Variants in SHOC1 observed in about 807,000 individuals in gnomAD.
The protein encoded by SHOC1 is protein shortage in chiasmata 1 ortholog.
SHOC1 carries 136 observed loss-of-function variants against 179.2 expected under a neutral mutation model. That is an observed-to-expected ratio of 0.76 (90% confidence interval 0.66 to 0.87). The LOEUF (loss-of-function observed/expected upper bound fraction) is 0.87. Ranked by LOEUF, SHOC1 falls within the 40% of genes least tolerant of loss-of-function variation. The pLI, the probability that SHOC1 is intolerant of heterozygous loss-of-function variation, is 0.00. For missense variants in SHOC1, 1,538 were observed against 1,700.8 expected, an observed-to-expected ratio of 0.90 and a Z score of 1.68; for synonymous variants, 489 against 586.6, an observed-to-expected ratio of 0.83 and a Z score of 2.41.
At chr9:111,751,591 A>C (rs1391515389) in intron 8 of SHOC1, among the ~76,000 whole-genome samples, 1 of 152,140 alleles carries the variant, frequency 6.6e-6, no homozygotes, top group Non-Finnish European at 1.5e-5. Flanking sequence ...ATATTTTTTC[A>C]CCAAAACTTT....
chr9:111,707,309 T>C (rs538749874), intron 19 of SHOC1, among the ~76,000 whole-genome samples: 2 of 152,182 alleles, frequency 1.3e-5, no homozygotes, highest in African/African-American at 4.8e-5. Flanking sequence ...TCTAGAGCAA[T>C]CTAGAAGTTA....
At position 111,727,950 on chromosome 9, in the gene SHOC1, G is replaced by T. The variant is rs915494557; in HGVS notation, c.1517C>A (p.Ala506Glu). 2 of 1,613,010 alleles carry T rather than the reference G, an allele frequency of 1.2e-6. No homozygotes were observed. The highest frequency in any genetic ancestry group is 2.7e-5 in the African/African-American group (2 of 74,846). Residue 506 changes from alanine (A) to glutamate (E), a missense_variant, in exon 13 of 28, where the codon GCA becomes GAA. Coordinates refer to ENST00000682961, the MANE Select transcript of SHOC1 (RefSeq NM_001378211.1). ...AAAACATAGATCTGGTACTTCTTTTGCCAGAGATGGACTCTTTTGTGGAAG... is the reference window on the plus strand; with the variant it reads ...AAAACATAGATCTGGTACTTCTTTTTCCAGAGATGGACTCTTTTGTGGAAG... ...LSLPQKSPSLAKEVPDLCFSD... is the reference protein window; with the variant it reads ...LSLPQKSPSLEKEVPDLCFSD...
intron 18 of SHOC1, among the ~76,000 whole-genome samples, chr9:111,708,289 G>A (rs141679176): frequency 0.011 from 1,679 of 151,698 alleles, 29 homozygotes; most frequent in African/African-American, 0.038. Flanking sequence ...TGCAACTTCC[G>A]CCTCCTGGGT....
chr9:111,694,415 A>G, intron 24 of SHOC1, 53 bp from the exon 25 acceptor site: 11 of 1,329,976 alleles, frequency 8.3e-6, no homozygotes, highest in Non-Finnish European at 1.2e-5. Context: ...AGCAAAATAT[A>G]ATATTTTTTA....
chr9:111,756,303 A>T, intron 8 of SHOC1, 22 bp downstream of exon 8: 2 of 1,558,650 alleles, frequency 1.3e-6, no homozygotes, highest in Non-Finnish European at 1.7e-6. Flanking sequence ...TACAAGTAAT[A>T]CATTTTACAA....
chr9:111,771,569 C>T (rs1168105578), intron 5 of SHOC1, among the ~76,000 whole-genome samples: 2 of 152,082 alleles, frequency 1.3e-5, no homozygotes, highest in African/African-American at 2.4e-5. Flanking sequence ...GATTGAAGAA[C>T]CCCCTTTACC....
chr9:111,706,571 C>A lies in SHOC1; in HGVS notation c.2734G>T (p.Glu912Ter). ...FKVILPDTVL[E>*]RSTLLDRFGG... is the part of the protein sequence containing the mutation. ...GGATTTTGGCTTATATTCTTACTTT[C>A]TAAAACTGTGTCTGGAAGAATCACT... Residue 912 changes from glutamate to a stop codon, truncating the protein, a stop_gained, in exon 20 of 28, where the codon GAA (glutamate) becomes TAA (stop). Transcript: ENST00000682961. LOFTEE classifies it high-confidence loss of function. 1 of 1,521,252 alleles carries A rather than the reference C, an allele frequency of 6.6e-7. No individual in the cohort carries two copies. Among genetic ancestry groups the A allele is most frequent in the Non-Finnish European group, 8.8e-7 (1 of 1,136,890 alleles). 94.2% of individuals were successfully genotyped at this position (1,521,252 alleles called of 1,614,324 possible).
At chr9:111,734,624 C>T (rs1373481564) in intron 12 of SHOC1, among the ~76,000 whole-genome samples, 11 of 151,908 alleles carry the variant, frequency 7.2e-5, no homozygotes, top group Non-Finnish European at 1.3e-4. Flanking sequence ...CTTAGGTTAC[C>T]GTTGAACCTG....
In SHOC1 at chr9:111,691,714, T is replaced by A. The variant is rs775768182; in HGVS notation, c.4263A>T (p.Glu1421Asp). 6.2e-7 allele frequency: 1 copy of A among 1,613,992 alleles called. No homozygotes were observed. Among genetic ancestry groups the A allele is most frequent in the South Asian group, 1.1e-5 (1 of 91,072 alleles). Residue 1421 changes from glutamate to aspartate, a missense_variant, in exon 27 of 28, where the codon GAA becomes GAT. Coordinates refer to ENST00000682961, the MANE Select transcript of SHOC1 (RefSeq NM_001378211.1). Reference protein sequence around the residue: ...ESSKDETFWRELPSVPSLDLF... With the variant: ...ESSKDETFWRDLPSVPSLDLF... ...AATCCAAACTGGGGACAGATGGTAA[T>A]TCTCTCCAGAAAGTCTCATCTTTTG...
At chr9:111,740,245 A>G (rs1032405274) in intron 11 of SHOC1, among the ~76,000 whole-genome samples, 2 of 152,126 alleles carry the variant, frequency 1.3e-5, no homozygotes, top group Non-Finnish European at 2.9e-5. Flanking sequence ...CCCTCCACGT[A>G]GGATATTTCT....
chr9:111,775,274 C>T (rs1835786511), intron 5 of SHOC1, among the ~76,000 whole-genome samples: 1 of 152,042 alleles, frequency 6.6e-6, no homozygotes, highest in East Asian at 1.9e-4. Context: ...GGATTACAGG[C>T]ATAGTAAGCC....
At chr9:111,778,770 CAAA>C (rs11295075) in intron 4 of SHOC1, among the ~76,000 whole-genome samples, 8 of 73,988 alleles carry the variant, frequency 1.1e-4, no homozygotes, top group East Asian at 3.9e-4. Flanking sequence ...GACTCTGTCT[CAAA>C]AAAAAAAAAA....
At chr9:111,780,045 T>A (rs1396652077) in intron 4 of SHOC1, among the ~76,000 whole-genome samples, 1 of 152,242 alleles carries the variant, frequency 6.6e-6, no homozygotes, top group African/African-American at 2.4e-5. Context: ...TGCCTTGTAA[T>A]AGACTTTATG....
At chr9:111,759,498 T>C in intron 5 of SHOC1, 1 of 1,226,354 alleles carries the variant, frequency 8.2e-7, no homozygotes, top group South Asian at 3.8e-5. Context: ...CCACCCTGCC[T>C]TGTCTGGGTT....
chr9:111,764,984 T>C (rs1227865038), intron 5 of SHOC1, among the ~76,000 whole-genome samples: 1 of 151,762 alleles, frequency 6.6e-6, no homozygotes, highest in Non-Finnish European at 1.5e-5. Flanking sequence ...CTACTAAAAA[T>C]ATAAAAATTA....
At chr9:111,790,074 T>TAAC (rs1397831418) in intron 2 of SHOC1, among the ~76,000 whole-genome samples, 1 of 152,226 alleles carries the variant, frequency 6.6e-6, no homozygotes, top group Non-Finnish European at 1.5e-5. Flanking sequence ...GTTAGTTTCC[T>TAAC]AACAACGTGT....
chr9:111,760,927 GA>G (rs1835107639), intron 5 of SHOC1, among the ~76,000 whole-genome samples: 2 of 151,228 alleles, frequency 1.3e-5, no homozygotes, highest in African/African-American at 2.4e-5. Context: ...TATGAGAGTA[GA>G]AAAAAGTAAT....
intron 5 of SHOC1, among the ~76,000 whole-genome samples, chr9:111,775,209 G>T (rs905905087): frequency 6.8e-4 from 103 of 151,948 alleles, no homozygotes; most frequent in Admixed American, 6.5e-3. Flanking sequence ...TGGCCAAGCT[G>T]GTCTCAAACT....
At chr9:111,747,592 G>GT (rs1834350157) in intron 9 of SHOC1, among the ~76,000 whole-genome samples, 1 of 151,592 alleles carries the variant, frequency 6.6e-6, no homozygotes, top group African/African-American at 2.4e-5. Flanking sequence ...GGGTTTTTTT[G>GT]TTTGTTTTGA....
Sources: gnomAD v4.1 joint callset for allele counts (sites outside exome capture counted in the v4.1 genomes callset) on GRCh38, gnomAD v4.1.1 for gene constraint, MANE v1.5 for transcripts, NCBI Gene and HGNC (gene_info 2026-07-23, HGNC 2026-07-21) for gene names.